CEP290: variants seen among roughly 807,000 people sequenced by gnomAD.
CEP290 encodes the protein centrosomal protein of 290 kDa.
CEP290 carries 317 observed loss-of-function variants against 344.9 expected under a neutral mutation model. The ratio of observed to expected loss-of-function variants is 0.92; its 90% confidence interval spans 0.84 to 1.01. The LOEUF (loss-of-function observed/expected upper bound fraction) is 1.01. CEP290 is among the 50% of genes least tolerant of loss of function. The probability of loss-of-function intolerance (pLI) is 0.00; values close to 1 mark genes in which losing one functional copy is unlikely to be tolerated. For synonymous variants in CEP290, 932 were observed against 895.8 expected, an observed-to-expected ratio of 1.04 and a Z score of -0.72; for missense variants, 2,754 against 2,761.4, an observed-to-expected ratio of 1.00 and a Z score of 0.06.
At chr12:88,129,986 T>G (rs2039968044) in intron 9 of CEP290, 110 bp from the exon 10 acceptor site, 1 of 731,794 alleles carries the variant, frequency 1.4e-6, no homozygotes, top group South Asian at 2.4e-5. Flanking sequence ...AAAAGAGAAT[T>G]CTTTATAGAC....
intron 41 of CEP290, 75 bp from the exon 42 acceptor site, chr12:88,072,001 T>G: frequency 7.5e-7 from 1 of 1,326,642 alleles, no homozygotes; most frequent in Middle Eastern, 2.2e-4. Context: ...TCAATTATAA[T>G]TTGCCTAGAA....
At chr12:88,105,595 G>C (rs2038214802) in intron 25 of CEP290, among the ~76,000 whole-genome samples, 1 of 152,106 alleles carries the variant, frequency 6.6e-6, no homozygotes, top group Non-Finnish European at 1.5e-5. Flanking sequence ...TTTAATAATT[G>C]GGTTAGGCAA....
At chr12:88,105,997 TTTCCTGCCTGGGCC>T (rs1756156862) in intron 25 of CEP290, among the ~76,000 whole-genome samples, 1 of 152,166 alleles carries the variant, frequency 6.6e-6, no homozygotes, top group African/African-American at 2.4e-5. Context: ...CTCAGGAAAT[TTTCCTGCCTGGGCC>T]TTCCAAAATG....
At chr12:88,062,905 A>G (rs1020070008) in intron 45 of CEP290, 127 bp from the exon 46 acceptor site, 7 of 594,210 alleles carry the variant, frequency 1.2e-5, no homozygotes, top group African/African-American at 1.9e-5. Flanking sequence ...TAGGGTCTCT[A>G]TATTAACAAG....
At position 88,107,009 on chromosome 12, in the gene CEP290, ACTTTTATAG is replaced by A. The variant is rs2038334374; in HGVS notation, c.2564_2572del (p.Ala855_Lys857del). 1 of 1,545,826 alleles carries A rather than the reference ACTTTTATAG, an allele frequency of 6.5e-7. No individual in the cohort carries two copies. The highest frequency in any genetic ancestry group is 8.7e-7 in the Non-Finnish European group (1 of 1,144,790). ...TGTTTTACTTACATTATATTCTTTT[ACTTTTATAG>A]CATCTTGTTGGACTTGATCCTCAAG... is the stretch of plus-strand genomic sequence containing the variant. On this transcript the variant is annotated inframe_deletion, in exon 24 of 54. Coordinates refer to ENST00000552810, the MANE Select transcript of CEP290 (RefSeq NM_025114.4).
chr12:88,119,580 C>T (rs1402274373), intron 15 of CEP290, among the ~76,000 whole-genome samples: 2 of 152,104 alleles, frequency 1.3e-5, no homozygotes, highest in East Asian at 3.9e-4. Context: ...GGGTGGATCA[C>T]TTAAGGTCAG....
intron 44 of CEP290, among the ~76,000 whole-genome samples, chr12:88,067,849 C>T (rs1245931046): frequency 2.0e-5 from 3 of 152,082 alleles, no homozygotes; most frequent in Non-Finnish European, 4.4e-5. Flanking sequence ...TACTGTAATA[C>T]CATAGAATAT....
At chr12:88,099,679 C>A (rs922397146) in intron 26 of CEP290, among the ~76,000 whole-genome samples, 1 of 151,706 alleles carries the variant, frequency 6.6e-6, no homozygotes, top group Non-Finnish European at 1.5e-5. Flanking sequence ...TAAATAAGCA[C>A]GATAAGGTAA....
At chr12:88,081,254 A>T (rs1302955494) in intron 37 of CEP290, among the ~76,000 whole-genome samples, 2 of 152,320 alleles carry the variant, frequency 1.3e-5, no homozygotes, top group South Asian at 2.1e-4. Context: ...CTGATCCTCT[A>T]TATTTGAGAA....
At chr12:88,091,253 T>A (rs970866786) in intron 29 of CEP290, among the ~76,000 whole-genome samples, 13 of 152,194 alleles carry the variant, frequency 8.5e-5, no homozygotes, top group African/African-American at 3.1e-4. Flanking sequence ...AGGTATTTAG[T>A]ACATTTATCT....
Position 88,096,957 on chromosome 12 carries a change from T to C in CEP290, c.3034A>G (p.Lys1012Glu). The C allele has an allele frequency of 6.3e-7, 1 of 1,577,102 alleles. No homozygotes were observed. Among genetic ancestry groups the C allele is most frequent in the Non-Finnish European group, 8.6e-7 (1 of 1,159,028 alleles). ...TTTTCCTTGGTAATCTCCAGTTCTT[T>C]ATTTATAGACTCCACTTGTTCTTTT... is the stretch of plus-strand genomic sequence containing the variant. ...SLKEQVESIN[K>E]ELEITKEKLH... The change falls in exon 27 of 54, where the codon AAA (lysine) becomes GAA (glutamate). Residue 1012 changes from lysine (K) to glutamate (E), a missense_variant. Coordinates refer to ENST00000552810, the MANE Select transcript of CEP290 (RefSeq NM_025114.4).
chr12:88,106,448 T>C (rs984246755), intron 25 of CEP290, among the ~76,000 whole-genome samples: 1 of 152,288 alleles, frequency 6.6e-6, no homozygotes. Flanking sequence ...ATAAAGTTAC[T>C]ATGGTTAGTT....
chr12:88,089,133 C>T lies in CEP290; in HGVS notation c.3928G>A (p.Glu1310Lys). ...IMQEMKNSQQ[E>K]HRNMENKTLE... ...GTTTTGTTCTCCATATTTCTATGTT[C>T]TTGTTGAGAATTTTTCATTTCTTGC... Residue 1310 changes from glutamate to lysine, a missense_variant, in exon 31 of 54, where the codon GAA becomes AAA. By Grantham distance (56) the Glu-to-Lys change is moderately conservative. Coordinates refer to ENST00000552810, the MANE Select transcript of CEP290 (RefSeq NM_025114.4). 2.5e-6 allele frequency: 4 copies of T among 1,597,630 alleles called. No homozygotes were observed. Among genetic ancestry groups the T allele is most frequent in the Non-Finnish European group, 3.4e-6 (4 of 1,173,308 alleles).
rs778943616 is a variant in CEP290, at chr12:88,133,072, GTT to G, written c.442-1856_442-1855del. On this transcript the variant is annotated intron_variant, in intron 6 of 53. Transcript: ENST00000552810. ...CTGCAAAGGACATGATCTTGTTCCG[GTT>G]TTTTTTTTTTTTTTTTTTTGAGACA... Among the ~76,000 whole-genome samples the G allele has an allele frequency of 5.1e-3, 657 of 128,990 alleles. 6 individuals carry two copies. The highest frequency in any genetic ancestry group is 0.018 in the African/African-American group (624 of 34,644). The allele number at this position is 128,990 out of a possible 152,430, so 84.6% of individuals were successfully genotyped here.
chr12:88,057,065 A>G (rs2034068887), intron 49 of CEP290, among the ~76,000 whole-genome samples: 1 of 152,180 alleles, frequency 6.6e-6, no homozygotes, highest in Non-Finnish European at 1.5e-5. Flanking sequence ...AAACACGTAT[A>G]TGATCTAAAA....
At position 88,117,101 on chromosome 12, in the gene CEP290, C is replaced by T. The variant is rs759047003; in HGVS notation, c.1756G>A (p.Gly586Arg). 1.6e-5 allele frequency: 25 copies of T among 1,561,798 alleles called. 1 individual carries two copies. In the South Asian group the frequency reaches 2.8e-4, roughly 18 times the overall value. The change falls in exon 18 of 54, where the codon GGA becomes AGA. Residue 586 changes from glycine (G) to arginine (R), a missense_variant. Transcript: ENST00000552810. ...DLNLTENISQ[G>R]DRISERKLDL... is the part of the protein sequence containing the mutation. ...AATTTTCTTTCACTTATTCTATCTC[C>T]TTGAGAAATGTTTTCAGTTAGGTTC...
Position 88,068,644 on chromosome 12 carries a change from C to A in CEP290, c.6013G>T (p.Ala2005Ser). The change falls in exon 44 of 54, where the codon GCC becomes TCC. Residue 2005 changes from alanine to serine, a missense_variant and splice_region_variant. By Grantham distance (99) the Ala-to-Ser change is moderately conservative (BLOSUM62 1). Coordinates refer to ENST00000552810, the MANE Select transcript of CEP290 (RefSeq NM_025114.4). ...DLENDILYMR[A>S]HQALPRDSVV... ...GAATCTCGAGGAAGAGCTTGGTGGGCCCTATGAACAACAATCACAGACTCT... is the reference window on the plus strand; with the variant it reads ...GAATCTCGAGGAAGAGCTTGGTGGGACCTATGAACAACAATCACAGACTCT... 3.1e-6 allele frequency: 5 copies of A among 1,593,070 alleles called. No homozygotes were observed. The highest frequency in any genetic ancestry group is 4.3e-6 in the Non-Finnish European group (5 of 1,173,014).
chr12:88,136,870 T>C (rs191592488), intron 5 of CEP290, 84 bp from the exon 6 acceptor site: 77 of 1,226,794 alleles, frequency 6.3e-5, no homozygotes, highest in Admixed American at 3.0e-4. Context: ...ATAATTATGC[T>C]GAATTTAAAT....
chr12:88,066,470 T>A (rs1315177781), intron 44 of CEP290, among the ~76,000 whole-genome samples: 1 of 31,030 alleles, frequency 3.2e-5, no homozygotes, highest in African/African-American at 5.3e-5. Flanking sequence ...CAGCTAATTG[T>A]TTCTTTTTTT....
Sources: allele counts gnomAD v4.1 joint callset (sites outside exome capture counted in the v4.1 genomes callset), GRCh38; gene constraint gnomAD v4.1.1; transcripts MANE v1.5; gene names NCBI Gene and HGNC (gene_info 2026-07-23, HGNC 2026-07-21).